Variants in ITSN2 observed in about 807,000 individuals in gnomAD.
ITSN2 encodes the protein intersectin 2.
ITSN2 carries 156 observed loss-of-function variants against 243.7 expected under a neutral mutation model. That is an observed-to-expected ratio of 0.64 (90% CI 0.56 to 0.73). The LOEUF is 0.73. Among genes scored for constraint, ITSN2 ranks in the 30% least tolerant of loss-of-function variants. ITSN2 has a pLI of 0.00. For missense variants in ITSN2, 1,801 were observed against 1,996.1 expected (o/e 0.90, Z 1.86); for synonymous variants, 703 against 699.9 (o/e 1.00, Z -0.07).
intron 8 of ITSN2, among the ~76,000 whole-genome samples, chr2:24,306,072 C>T: frequency 6.6e-6 from 1 of 152,096 alleles, no homozygotes; most frequent in Non-Finnish European, 1.5e-5. Context: ...CTCTGCCTCC[C>T]AGGCACAAAT....
chr2:24,341,336 T>C (rs1004820731), intron 1 of ITSN2, among the ~76,000 whole-genome samples: 3 of 152,170 alleles, frequency 2.0e-5, no homozygotes, highest in Admixed American at 6.5e-5. Context: ...GGAGTAGTTG[T>C]AATCATGTGG....
At chr2:24,330,911 C>T (rs1685715429) in intron 1 of ITSN2, among the ~76,000 whole-genome samples, 1 of 149,872 alleles carries the variant, frequency 6.7e-6, no homozygotes. Flanking sequence ...GGATTACAGG[C>T]AGGCGCCACC....
intron 1 of ITSN2, among the ~76,000 whole-genome samples, chr2:24,358,715 G>A (rs1395547703): frequency 6.6e-6 from 1 of 152,178 alleles, no homozygotes; most frequent in African/African-American, 2.4e-5. Flanking sequence ...TTTGGGTGAT[G>A]GGTACATGCT....
At chr2:24,235,486 GATA>G (rs1179873176) in intron 29 of ITSN2, among the ~76,000 whole-genome samples, 1 of 152,154 alleles carries the variant, frequency 6.6e-6, no homozygotes, top group Non-Finnish European at 1.5e-5. Context: ...TACAGACTTT[GATA>G]ATGACATGAT....
chr2:24,269,951 A>G (rs1299629440), intron 20 of ITSN2, among the ~76,000 whole-genome samples: 1 of 152,216 alleles, frequency 6.6e-6, no homozygotes, highest in African/African-American at 2.4e-5. Flanking sequence ...TGGCAAGAGC[A>G]GGAATGTGTG....
At chr2:24,329,643 A>T (rs569278678) in intron 1 of ITSN2, among the ~76,000 whole-genome samples, 3 of 152,320 alleles carry the variant, frequency 2.0e-5, no homozygotes, top group Non-Finnish European at 4.4e-5. Flanking sequence ...CTTAGTAATT[A>T]AAACCATGGA....
rs547624527 is a variant in ITSN2, at chr2:24,289,853, C to T, written c.1724-3502G>A. Among the ~76,000 whole-genome samples, 10 of 152,354 alleles carry T rather than the reference C, an allele frequency of 6.6e-5. No individual in the cohort carries two copies. In the South Asian group the frequency reaches 8.3e-4, roughly 13 times the overall value. ...ATTTTATGTGTGGCCCAAGACAACTCTTCTTCCAATGTGACCCAGGGAAGC... is the reference window on the plus strand; with the variant it reads ...ATTTTATGTGTGGCCCAAGACAACTTTTCTTCCAATGTGACCCAGGGAAGC... On this transcript the variant is annotated intron_variant, in intron 15 of 39. Transcript: ENST00000355123.
chr2:24,220,627 T>G, intron 30 of ITSN2: 1 of 1,215,706 alleles, frequency 8.2e-7, no homozygotes, highest in African/African-American at 1.6e-5. Flanking sequence ...TCCCATCCAC[T>G]CTATCCCCGT....
Position 24,218,604 on chromosome 2 carries a change from G to T in ITSN2, c.3700-591C>A, listed in dbSNP as rs559028513. Among the ~76,000 whole-genome samples, 30 of 152,264 alleles carry T rather than the reference G, an allele frequency of 2.0e-4. No homozygotes were observed. The South Asian group carries it at 5.8e-3, about 29-fold the overall frequency. ...CTTGTGTGTGTGTACACACACGCGT[G>T]TGTGTTTGCAGGGTTCTCAAGTAGC... On this transcript the variant is annotated intron_variant, in intron 30 of 39. Coordinates refer to ENST00000355123, the MANE Select transcript of ITSN2 (RefSeq NM_006277.3).
At chr2:24,217,689 T>C (rs1317171473) in intron 31 of ITSN2, among the ~76,000 whole-genome samples, 1 of 152,254 alleles carries the variant, frequency 6.6e-6, no homozygotes, top group Non-Finnish European at 1.5e-5. Context: ...TAATTTTTTC[T>C]TTATCAAAAT....
chr2:24,302,046 G>C lies in ITSN2; in HGVS notation c.914C>G (p.Ala305Gly). 7 of 1,612,592 alleles carry C rather than the reference G, an allele frequency of 4.3e-6. No homozygotes were observed. Among genetic ancestry groups the C allele is most frequent in the Non-Finnish European group, 5.9e-6 (7 of 1,178,924 alleles). ...GQLKAEEFIL[A>G]MHLTDMAKAG... ...TTTGGCCATGTCAGTAAGGTGCATT[G>C]CAAGAATAAACTCTTCTGCTTTTAG... Residue 305 changes from alanine to glycine, a missense_variant, in exon 10 of 40, where the codon GCA becomes GGA. Transcript: ENST00000355123.
In ITSN2 at chr2:24,225,134, A is replaced by G. The variant is rs973649452; in HGVS notation, c.3578-4068T>C. On this transcript the variant is annotated intron_variant, in intron 29 of 39. Transcript: ENST00000355123. The surrounding 1 kb of genome is among the most constrained non-coding windows in gnomAD (Gnocchi z 4.2). The stretch of plus-strand genomic sequence containing the variant: ...CTTTCTAAAGCCACTGTCTGTAGTC[A>G]GCCTCTCCTCCAGGGCCCCTCCCTT... 1.3e-5 allele frequency among the ~76,000 whole-genome samples: 2 copies of G among 152,100 alleles called. No individual in the cohort carries two copies. The highest frequency in any genetic ancestry group is 4.8e-5 in the African/African-American group (2 of 41,422).
intron 3 of ITSN2, among the ~76,000 whole-genome samples, 185 bp from the exon 4 acceptor site, chr2:24,313,708 C>T (rs1683547457): frequency 6.6e-6 from 1 of 152,076 alleles, no homozygotes; most frequent in African/African-American, 2.4e-5. Context: ...TATTTTAAAA[C>T]AAAAGTCACA....
chr2:24,297,990 T>TA (rs1193554752), intron 13 of ITSN2, among the ~76,000 whole-genome samples: 1 of 147,464 alleles, frequency 6.8e-6, no homozygotes, highest in East Asian at 1.9e-4. Context: ...ACATTTTTCT[T>TA]TTTTTTTTTT....
chr2:24,246,180 A>G lies in ITSN2; in HGVS notation c.3526T>C (p.Phe1176Leu). 1 of 1,613,712 alleles carries G rather than the reference A, an allele frequency of 6.2e-7. No homozygotes were observed. The highest frequency in any genetic ancestry group is 8.5e-7 in the Non-Finnish European group (1 of 1,179,688). ...QGEINGVTGL[F>L]PSNYVKMTTD... ...GTCATCTTAACGTAGTTTGAAGGAA[A>G]GAGACCAGTCACCCCGTTGATCTCT... is the stretch of plus-strand genomic sequence containing the variant. Residue 1176 changes from phenylalanine (F) to leucine (L), a missense_variant, in exon 29 of 40, where the codon TTT becomes CTT. Physicochemically the swap from Phe to Leu is conservative, Grantham distance 22. Around this residue, in one of 5 missense-constraint regions of ITSN2, gnomAD observed 928 missense variants for 1,065.4 expected, o/e 0.87. Coordinates refer to ENST00000355123, the MANE Select transcript of ITSN2 (RefSeq NM_006277.3).
intron 29 of ITSN2, among the ~76,000 whole-genome samples, chr2:24,234,518 A>G (rs1573950408): frequency 6.6e-6 from 1 of 152,214 alleles, no homozygotes; most frequent in Non-Finnish European, 1.5e-5. Context: ...TTAAATGTAA[A>G]CACTTTCATT....
chr2:24,268,466 C>T (rs376390219), intron 20 of ITSN2, among the ~76,000 whole-genome samples: 22 of 152,160 alleles, frequency 1.4e-4, no homozygotes, highest in Admixed American at 8.5e-4. Context: ...GAATCTTCCT[C>T]ATCTCCATCT....
At chr2:24,252,108 T>A (rs1456420540) in intron 25 of ITSN2, among the ~76,000 whole-genome samples, 1 of 152,210 alleles carries the variant, frequency 6.6e-6, no homozygotes, top group East Asian at 1.9e-4. Context: ...CTCTTGTTCT[T>A]AGAATTTCAT....
chr2:24,345,643 TC>T (rs1396535449), intron 1 of ITSN2, among the ~76,000 whole-genome samples: 1 of 151,780 alleles, frequency 6.6e-6, no homozygotes, highest in East Asian at 2.1e-4. Flanking sequence ...TGACCATCCT[TC>T]CCCATCAGTC....
Sources: allele counts gnomAD v4.1 joint callset (sites outside exome capture counted in the v4.1 genomes callset), GRCh38; gene constraint gnomAD v4.1.1; regional missense constraint gnomAD v4.1.1; non-coding constraint Gnocchi (gnomAD v3.1); transcripts MANE v1.5; gene names NCBI Gene and HGNC (gene_info 2026-07-23, HGNC 2026-07-21).